Variants in TRDN observed in about 807,000 individuals in gnomAD.
The protein encoded by TRDN is triadin, also known as triadin in skeletal muscle.
Under a neutral mutation model 149.7 loss-of-function variants are expected in TRDN, and 161 were observed. That is an observed-to-expected ratio of 1.08 (90% confidence interval 0.95 to 1.23). The LOEUF is 1.23. Ranked by LOEUF, TRDN falls within the 50% of genes most tolerant of loss-of-function variation. The pLI, the probability that TRDN is intolerant of heterozygous loss-of-function variation, is 0.00. For missense variants in TRDN, 896 were observed against 823.5 expected (o/e 1.09, Z -1.08); for synonymous variants, 294 against 250.5 (o/e 1.17, Z -1.64).
chr6:123,525,788 AAATG>A (rs1417342083), intron 5 of TRDN, among the ~76,000 whole-genome samples: 1 of 152,080 alleles, frequency 6.6e-6, no homozygotes, highest in East Asian at 1.9e-4. Context: ...ACTTCTTTCT[AAATG>A]GGGCCTTTAA....
intron 12 of TRDN, among the ~76,000 whole-genome samples, chr6:123,405,833 A>G (rs893582413): frequency 6.6e-6 from 1 of 152,150 alleles, no homozygotes; most frequent in Non-Finnish European, 1.5e-5. Context: ...TACCTAATCC[A>G]ATACTTCAAG....
intron 2 of TRDN, among the ~76,000 whole-genome samples, chr6:123,550,313 A>AGG (rs1562381417): frequency 6.6e-6 from 1 of 151,958 alleles, no homozygotes. Flanking sequence ...AGAAAGAGAG[A>AGG]GGGAGAAGGA....
chr6:123,580,610 G>C (rs1351750770), intron 1 of TRDN, among the ~76,000 whole-genome samples: 1 of 152,150 alleles, frequency 6.6e-6, no homozygotes, highest in Admixed American at 6.6e-5. Context: ...GCTTAGAACA[G>C]ATGACAGAAA....
intron 5 of TRDN, 71 bp downstream of exon 5, chr6:123,530,435 A>T (rs142326332): frequency 2.1e-6 from 2 of 939,304 alleles, no homozygotes; most frequent in Non-Finnish European, 2.9e-6. Context: ...TAAACATGAA[A>T]TTTTTTCTCG....
intron 1 of TRDN, among the ~76,000 whole-genome samples, chr6:123,622,607 A>G (rs1398296220): frequency 6.6e-6 from 1 of 152,152 alleles, no homozygotes; most frequent in Non-Finnish European, 1.5e-5. Flanking sequence ...GATGACTCAT[A>G]GTATGTTTTT....
At chr6:123,477,507 C>T (rs1398466559) in intron 9 of TRDN, among the ~76,000 whole-genome samples, 6 of 147,628 alleles carry the variant, frequency 4.1e-5, no homozygotes, top group Non-Finnish European at 9.0e-5. Context: ...TGTGGCGATT[C>T]CTCAGGGATC....
chr6:123,363,590 C>A (rs9398728), intron 20 of TRDN, among the ~76,000 whole-genome samples: 2 of 151,664 alleles, frequency 1.3e-5, no homozygotes, highest in African/African-American at 4.9e-5. Flanking sequence ...ATAATGCATG[C>A]GAATAGATAG....
intron 12 of TRDN, among the ~76,000 whole-genome samples, chr6:123,416,281 T>C (rs1400982131): frequency 6.6e-6 from 1 of 152,150 alleles, no homozygotes; most frequent in Admixed American, 6.5e-5. Flanking sequence ...ATATCTTTTG[T>C]GATCCAGATC....
chr6:123,219,097 G>A (rs1166937553), intron 40 of TRDN, among the ~76,000 whole-genome samples: 2 of 151,890 alleles, frequency 1.3e-5, no homozygotes, highest in Non-Finnish European at 2.9e-5. Context: ...TAGAGACATA[G>A]TCACAGGTTT....
intron 4 of TRDN, among the ~76,000 whole-genome samples, chr6:123,537,545 A>C (rs1423992707): frequency 2.0e-5 from 3 of 152,322 alleles, no homozygotes; most frequent in South Asian, 2.1e-4. Context: ...CTCCAAGTGA[A>C]GATTCACTTC....
In TRDN at chr6:123,563,834, G is replaced by T. The variant is rs1299262761; in HGVS notation, c.232+7089C>A. On this transcript the variant is annotated intron_variant, in intron 2 of 40. Coordinates refer to ENST00000334268, the MANE Select transcript of TRDN (RefSeq NM_006073.4). ...TTTTTGTTTTTGTTTTTAAGATAGG[G>T]TCTCACTCTGTCACCCAGGCTGGAG... 1.1e-4 allele frequency among the ~76,000 whole-genome samples: 16 copies of T among 151,930 alleles called. 1 individual carries two copies. Among genetic ancestry groups the T allele is most frequent in the African/African-American group, 3.6e-4 (15 of 41,342 alleles).
chr6:123,407,560 C>A (rs1022091935), intron 12 of TRDN, among the ~76,000 whole-genome samples: 23 of 152,132 alleles, frequency 1.5e-4, no homozygotes, highest in Admixed American at 6.5e-5. Flanking sequence ...TCCTCCTAAG[C>A]TGCACACTCC....
At chr6:123,464,706 T>C in intron 10 of TRDN, 200 bp downstream of exon 10, 1 of 1,364,004 alleles carries the variant, frequency 7.3e-7, no homozygotes, top group Non-Finnish European at 9.5e-7. Context: ...GGGTCACCAA[T>C]ATAGAATCTT....
At chr6:123,508,557 T>C (rs1057471007) in intron 7 of TRDN, among the ~76,000 whole-genome samples, 3 of 152,120 alleles carry the variant, frequency 2.0e-5, no homozygotes, top group Non-Finnish European at 4.4e-5. Context: ...TCACTCAACT[T>C]CTCTTTTCAT....
chr6:123,600,764 T>C (rs1784241896), intron 1 of TRDN, among the ~76,000 whole-genome samples: 1 of 151,984 alleles, frequency 6.6e-6, no homozygotes, highest in South Asian at 2.1e-4. Flanking sequence ...TAACTATAAG[T>C]ATTGTTGAGA....
chr6:123,439,215 C>A (rs1430972322), intron 10 of TRDN, among the ~76,000 whole-genome samples: 1 of 152,102 alleles, frequency 6.6e-6, no homozygotes, highest in Admixed American at 6.5e-5. Context: ...GTGTAAAGTG[C>A]CTGGCTCACA....
At chr6:123,440,249 T>C (rs1774802288) in intron 10 of TRDN, among the ~76,000 whole-genome samples, 1 of 152,186 alleles carries the variant, frequency 6.6e-6, no homozygotes, top group African/African-American at 2.4e-5. Context: ...GAAAAATGTA[T>C]TCACACTTTG....
rs372934247 is a variant in TRDN, at chr6:123,636,801, T to A, written c.-26A>T. 1 of 1,611,318 alleles carries A rather than the reference T, an allele frequency of 6.2e-7. No homozygotes were observed. The highest frequency in any genetic ancestry group is 2.2e-5 in the East Asian group (1 of 44,730). Reference sequence around the variant, plus strand: ...GGTGGTCGTCAAAAGTAAAAGTCAGTTGAAAAGTTCCCGTCAAGTTGCACT... The same window carrying A: ...GGTGGTCGTCAAAAGTAAAAGTCAGATGAAAAGTTCCCGTCAAGTTGCACT... On this transcript the variant is annotated 5_prime_UTR_variant, in exon 1 of 41. Coordinates refer to ENST00000334268, the MANE Select transcript of TRDN (RefSeq NM_006073.4).
intron 2 of TRDN, among the ~76,000 whole-genome samples, chr6:123,568,983 T>C (rs963433168): frequency 8.5e-5 from 13 of 152,208 alleles, no homozygotes; most frequent in African/African-American, 2.9e-4. Context: ...AGGCTGCAAA[T>C]TTTCCAAATT....
Sources: gnomAD v4.1 joint callset for allele counts (sites outside exome capture counted in the v4.1 genomes callset) on GRCh38, gnomAD v4.1.1 for gene constraint, MANE v1.5 for transcripts, NCBI Gene and HGNC (gene_info 2026-07-23, HGNC 2026-07-21) for gene names.